Variants in AFAP1 observed in about 807,000 individuals in gnomAD.
AFAP1 encodes actin filament-associated protein 1.
A neutral mutation model predicts 93.9 loss-of-function variants in AFAP1; 75 were observed. The observed-to-expected ratio is 0.80, with a 90% CI of 0.66 to 0.97. The LOEUF (loss-of-function observed/expected upper bound fraction) is 0.97, where lower values mean the gene tolerates loss of function less well. Among genes scored for constraint, AFAP1 ranks in the 50% least tolerant of loss-of-function variants. The probability of loss-of-function intolerance (pLI) is 0.00; values close to 1 mark genes in which losing one functional copy is unlikely to be tolerated. For missense variants in AFAP1, 1,201 were observed against 1,050.8 expected (o/e 1.14, Z -1.98); for synonymous variants, 517 against 430.7 (o/e 1.20, Z -2.48).
At chr4:7,885,380 A>G (rs1438930747) in intron 1 of AFAP1, among the ~76,000 whole-genome samples, 1 of 152,100 alleles carries the variant, frequency 6.6e-6, no homozygotes, top group Non-Finnish European at 1.5e-5. Flanking sequence ...TCCCACACAC[A>G]CATCACTACC....
At chr4:7,907,803 ATTGT>A (rs1560230925) in intron 1 of AFAP1, among the ~76,000 whole-genome samples, 1 of 152,182 alleles carries the variant, frequency 6.6e-6, no homozygotes, top group African/African-American at 2.4e-5. Flanking sequence ...TTCAATCTGC[ATTGT>A]TTTTTTTCCT....
Position 7,809,598 on chromosome 4 carries a change from G to C in AFAP1, c.1054+16C>G. ...CTTAGGTGCACGCTGCTCGTCTCCGGGAAGCGCAGTCTTACCGCAGGTGGG... is the reference window on the plus strand; with the variant it reads ...CTTAGGTGCACGCTGCTCGTCTCCGCGAAGCGCAGTCTTACCGCAGGTGGG... On this transcript the variant is annotated intron_variant, in intron 9 of 17. Transcript: ENST00000420658. 1 of 1,607,156 alleles carries C rather than the reference G, an allele frequency of 6.2e-7. No homozygotes were observed. The highest frequency in any genetic ancestry group is 1.3e-5 in the African/African-American group (1 of 74,732).
chr4:7,895,552 G>A (rs1718714418), intron 1 of AFAP1, among the ~76,000 whole-genome samples: 2 of 152,048 alleles, frequency 1.3e-5, no homozygotes, highest in Admixed American at 6.5e-5. Context: ...AACCAAATCT[G>A]GCCTCCCTTA....
chr4:7,927,358 A>G (rs969217290), intron 1 of AFAP1, among the ~76,000 whole-genome samples: 1 of 152,160 alleles, frequency 6.6e-6, no homozygotes, highest in Non-Finnish European at 1.5e-5. Context: ...GTGATGTTGG[A>G]CAACGTCCCC....
intron 11 of AFAP1, among the ~76,000 whole-genome samples, chr4:7,789,591 C>T (rs190893776): frequency 9.9e-6 from 1 of 100,680 alleles, no homozygotes. Context: ...CGCTCCGCAC[C>T]AGCCGCTGCT....
intron 1 of AFAP1, 86 bp from the exon 2 acceptor site, chr4:7,872,166 C>G: frequency 6.6e-7 from 1 of 1,525,364 alleles, no homozygotes; most frequent in East Asian, 2.3e-5. Flanking sequence ...CGAAGCATTT[C>G]ATGTTTAGCT....
chr4:7,915,761 G>C lies in AFAP1; in HGVS notation c.-3+23895C>G, dbSNP rs760817391. Among the ~76,000 whole-genome samples the C allele has an allele frequency of 1.4e-3, 215 of 152,372 alleles. 2 individuals are homozygous for C. Among genetic ancestry groups the C allele is most frequent in the Middle Eastern group, 0.01 (3 of 294 alleles). Reference sequence around the variant, plus strand: ...CCCCACAAAACCACTTCACAAAGCCGCCCTGCGGCAAGCCCCTCAATGGAG... The same window carrying C: ...CCCCACAAAACCACTTCACAAAGCCCCCCTGCGGCAAGCCCCTCAATGGAG... On this transcript the variant is annotated intron_variant, in intron 1 of 17. Transcript: ENST00000420658.
At chr4:7,802,132 C>G (rs1186187753) in intron 9 of AFAP1, among the ~76,000 whole-genome samples, 1 of 152,110 alleles carries the variant, frequency 6.6e-6, no homozygotes, top group Non-Finnish European at 1.5e-5. Flanking sequence ...TAGGTACACA[C>G]TTATAAAGTC....
At chr4:7,779,361 C>T (rs1011307467) in intron 13 of AFAP1, among the ~76,000 whole-genome samples, 7 of 152,174 alleles carry the variant, frequency 4.6e-5, no homozygotes, top group Admixed American at 1.3e-4. Context: ...TTATCGCCGA[C>T]GGAGTCCGCA....
chr4:7,884,926 A>T (rs573237276), intron 1 of AFAP1, among the ~76,000 whole-genome samples: 5 of 152,254 alleles, frequency 3.3e-5, no homozygotes, highest in African/African-American at 1.2e-4. Flanking sequence ...CACACGGTGC[A>T]TTCCCTAAAC....
chr4:7,859,457 T>A (rs1354101962), intron 3 of AFAP1, among the ~76,000 whole-genome samples: 2 of 151,922 alleles, frequency 1.3e-5, no homozygotes, highest in Non-Finnish European at 2.9e-5. Flanking sequence ...CTAACCACCA[T>A]GGCATCTTTA....
intron 3 of AFAP1, among the ~76,000 whole-genome samples, chr4:7,865,657 G>C (rs566981703): frequency 6.6e-6 from 1 of 152,332 alleles, no homozygotes; most frequent in South Asian, 2.1e-4. Context: ...CAACACAGAA[G>C]TGAATCAATC....
chr4:7,926,294 C>G (rs1445653811), intron 1 of AFAP1, among the ~76,000 whole-genome samples: 1 of 152,206 alleles, frequency 6.6e-6, no homozygotes, highest in East Asian at 1.9e-4. Context: ...ATATCTAACT[C>G]TCTTAAGCCC....
chr4:7,800,400 G>A (rs1032634359), intron 10 of AFAP1, 42 bp downstream of exon 10: 17 of 1,596,928 alleles, frequency 1.1e-5, no homozygotes, highest in African/African-American at 8.1e-5. Context: ...AGATCACCGC[G>A]TGTGTCCCTC....
chr4:7,831,664 T>C (rs186082742), intron 6 of AFAP1, among the ~76,000 whole-genome samples: 2 of 152,302 alleles, frequency 1.3e-5, no homozygotes, highest in Non-Finnish European at 2.9e-5. Flanking sequence ...GGGCTGCTCT[T>C]CAGTGTGCAG....
intron 2 of AFAP1, 46 bp downstream of exon 2, chr4:7,871,906 C>A (rs1278132185): frequency 6.2e-7 from 1 of 1,605,248 alleles, no homozygotes; most frequent in Admixed American, 1.7e-5. Context: ...GATTTAGAAG[C>A]CAAGACACTG....
chr4:7,813,805 T>C (rs1251567210), intron 8 of AFAP1, among the ~76,000 whole-genome samples: 6 of 152,176 alleles, frequency 3.9e-5, no homozygotes, highest in Non-Finnish European at 5.9e-5. Context: ...GAGAGTGAAC[T>C]CTGTAATGTC....
At chr4:7,903,233 T>C (rs770724509) in intron 1 of AFAP1, among the ~76,000 whole-genome samples, 18 of 152,272 alleles carry the variant, frequency 1.2e-4, no homozygotes, top group Admixed American at 9.8e-4. Flanking sequence ...CAGGCACTGG[T>C]CATATAACAG....
Position 7,763,890 on chromosome 4 carries a change from C to G in AFAP1, c.2419-99G>C, listed in dbSNP as rs55817815. The stretch of plus-strand genomic sequence containing the variant: ...ATTCAACTCAGAGGGGGTGGGTGCT[C>G]GGCTACTGCAGAAAACTCAACAGAA... On this transcript the variant is annotated intron_variant, in intron 17 of 17. Transcript: ENST00000420658. 3.3e-6 allele frequency: 4 copies of G among 1,213,680 alleles called. No individual in the cohort carries two copies. In the East Asian group the frequency reaches 1.0e-4, roughly 31 times the overall value. The allele number at this position is 1,213,680 out of a possible 1,614,324, so 75.2% of individuals were successfully genotyped here. A position where few individuals can be genotyped will look rare whatever the true frequency, so the allele number is the denominator to read the frequency against.
Sources: gnomAD v4.1 joint callset for allele counts (sites outside exome capture counted in the v4.1 genomes callset) on GRCh38, gnomAD v4.1.1 for gene constraint, MANE v1.5 for transcripts, NCBI Gene and HGNC (gene_info 2026-07-23, HGNC 2026-07-21) for gene names.